The following DOCK7 variants were observed in gnomAD, a reference collection of about 807,000 sequenced individuals.
The protein encoded by DOCK7 is dedicator of cytokinesis 7, also known as dedicator of cytokinesis protein 7.
Under a neutral mutation model 271.0 loss-of-function variants are expected in DOCK7, and 138 were observed. The ratio of observed to expected loss-of-function variants is 0.51; its 90% CI spans 0.44 to 0.59. DOCK7 has a LOEUF of 0.59. Ranked by LOEUF, DOCK7 falls within the 20% of genes least tolerant of loss-of-function variation. The probability of loss-of-function intolerance (pLI) is 0.00; values close to 1 mark genes in which losing one functional copy is unlikely to be tolerated. For synonymous variants in DOCK7, 823 were observed against 876.1 expected (o/e 0.94, Z 1.07); for missense variants, 2,066 against 2,592.4 (o/e 0.80, Z 4.41).
intron 14 of DOCK7, among the ~76,000 whole-genome samples, chr1:62,588,249 T>A (rs1210193276): frequency 1.3e-5 from 2 of 152,180 alleles, no homozygotes; most frequent in Non-Finnish European, 2.9e-5. Flanking sequence ...TGTTGGGCAC[T>A]AGAAAAATAA....
intron 2 of DOCK7, among the ~76,000 whole-genome samples, chr1:62,662,193 T>C (rs1171854305): frequency 6.6e-6 from 1 of 152,204 alleles, no homozygotes; most frequent in African/African-American, 2.4e-5. Context: ...AAAAATGACC[T>C]CTAATTTTAA....
intron 14 of DOCK7, among the ~76,000 whole-genome samples, chr1:62,610,128 C>A (rs1366467254): frequency 2.6e-5 from 4 of 152,090 alleles, no homozygotes; most frequent in African/African-American, 9.7e-5. Flanking sequence ...AGATTACAGG[C>A]GTGAGCCCCC....
intron 4 of DOCK7, among the ~76,000 whole-genome samples, chr1:62,650,502 C>G (rs910672158): frequency 2.0e-5 from 3 of 152,076 alleles, no homozygotes; most frequent in Non-Finnish European, 4.4e-5. Flanking sequence ...TCAGAGTGAA[C>G]AGGCAACCTA....
At position 62,542,804 on chromosome 1, in the gene DOCK7, C is replaced by G. The variant is rs561887789; in HGVS notation, c.2950-101G>C. On this transcript the variant is annotated intron_variant, in intron 24 of 49. Transcript: ENST00000635253. ...CAAACGAAGATATAATGAGAATAAG[C>G]AAAATAAGGCACGTGAACCATTCAA... 71 of 1,059,452 alleles carry G rather than the reference C, an allele frequency of 6.7e-5. No individual in the cohort carries two copies. In the East Asian group the frequency reaches 1.5e-3, roughly 22 times the overall value. 65.6% of individuals were successfully genotyped at this position (1,059,452 alleles called of 1,614,324 possible). A position where few individuals can be genotyped will look rare whatever the true frequency, so the allele number is the denominator to read the frequency against.
intron 15 of DOCK7, among the ~76,000 whole-genome samples, chr1:62,586,002 C>A (rs1647455782): frequency 6.6e-6 from 1 of 152,106 alleles, no homozygotes; most frequent in Non-Finnish European, 1.5e-5. Context: ...AGAACTAATG[C>A]CAGAGTTTGT....
In DOCK7 at chr1:62,508,049, T is replaced by C. The variant is rs1646993501; in HGVS notation, c.4389A>G (p.Ala1463=). ...CAATCAGTGCTTCGTGTTCAATCTCTGCTCTTGATCTAATACAAAATATTG... is the reference window on the plus strand; with the variant it reads ...CAATCAGTGCTTCGTGTTCAATCTCCGCTCTTGATCTAATACAAAATATTG... The part of the protein sequence containing the change: ...QNTEKLDKSR[A]EIEHEALIDG... The change falls in exon 35 of 50, where the codon GCA becomes GCG. Residue 1463 remains alanine (A), a synonymous_variant. Transcript: ENST00000635253. 1 of 1,605,534 alleles carries C rather than the reference T, an allele frequency of 6.2e-7. No homozygotes were observed. Among genetic ancestry groups the C allele is most frequent in the African/African-American group, 1.3e-5 (1 of 74,432 alleles).
intron 11 of DOCK7, among the ~76,000 whole-genome samples, chr1:62,630,876 T>G (rs892987560): frequency 6.6e-6 from 1 of 151,696 alleles, no homozygotes; most frequent in African/African-American, 2.4e-5. Context: ...AGTCTACAAA[T>G]GAAACAAGCT....
intron 19 of DOCK7, among the ~76,000 whole-genome samples, chr1:62,559,947 G>A (rs1433578967): frequency 6.6e-6 from 1 of 152,136 alleles, no homozygotes; most frequent in African/African-American, 2.4e-5. Flanking sequence ...GGCAAAGGGT[G>A]CCTACGTGAC....
chr1:62,648,148 G>A lies in DOCK7; in HGVS notation c.690C>T (p.Asn230=), dbSNP rs776885851. 2.5e-6 allele frequency: 4 copies of A among 1,613,416 alleles called. No homozygotes were observed. The Admixed American group carries it at 5.0e-5, about 20-fold the overall frequency. ...GCAAAGCAAAAAGTTCTTTGTGACG[G>A]TTTGATTTCCTTTGGTCATCATTCT... The part of the protein sequence containing the change: ...DRQNDDQRKS[N]RHKELFALHP... The change falls in exon 6 of 50, where the codon AAC becomes AAT. Residue 230 remains asparagine (N), a synonymous_variant. Coordinates refer to ENST00000635253, the MANE Select transcript of DOCK7 (RefSeq NM_001367561.1).
At chr1:62,672,431 AT>A (rs1158051415) in intron 1 of DOCK7, among the ~76,000 whole-genome samples, 8 of 152,232 alleles carry the variant, frequency 5.3e-5, no homozygotes, top group Non-Finnish European at 1.0e-4. Context: ...AAATATTGAA[AT>A]TTCAAGAGTT....
chr1:62,606,326 A>C (rs1198569971), intron 14 of DOCK7, among the ~76,000 whole-genome samples: 2 of 151,942 alleles, frequency 1.3e-5, no homozygotes, highest in Non-Finnish European at 2.9e-5. Flanking sequence ...AAAAAAAAAA[A>C]AAACTCTCAT....
Position 62,475,071 on chromosome 1 carries a change from A to G in DOCK7, c.6105+137T>C, listed in dbSNP as rs918626779. 1.3e-5 allele frequency: 12 copies of G among 958,364 alleles called. No homozygotes were observed. The African/African-American group carries it at 1.7e-4, about 13-fold the overall frequency. The allele number at this position is 958,364 out of a possible 1,614,324, so 59.4% of individuals were successfully genotyped here. On this transcript the variant is annotated intron_variant, in intron 47 of 49. Coordinates refer to ENST00000635253, the MANE Select transcript of DOCK7 (RefSeq NM_001367561.1). ...CAATTCCTTCTTAATAGAATTTATA[A>G]GATCGCATAGGTAGAAAAATACAGG...
chr1:62,682,648 A>C (rs1487792911), intron 1 of DOCK7, among the ~76,000 whole-genome samples: 1 of 152,228 alleles, frequency 6.6e-6, no homozygotes, highest in Non-Finnish European at 1.5e-5. Flanking sequence ...TAAGGTAAGC[A>C]CAACTATATA....
At chr1:62,524,423 T>C (rs914080621) in intron 31 of DOCK7, among the ~76,000 whole-genome samples, 5 of 152,064 alleles carry the variant, frequency 3.3e-5, no homozygotes, top group African/African-American at 4.8e-5. Flanking sequence ...TAAAAGAAAG[T>C]CTGCAAAATT....
At chr1:62,640,798 C>A (rs920642526) in intron 7 of DOCK7, among the ~76,000 whole-genome samples, 1 of 152,156 alleles carries the variant, frequency 6.6e-6, no homozygotes, top group Non-Finnish European at 1.5e-5. Context: ...AGGTAGAGTT[C>A]CCCTCCAAAT....
rs796502120 is a variant in DOCK7, at chr1:62,644,614, T to C, written c.818+3077A>G. On this transcript the variant is annotated intron_variant, in intron 7 of 49. Transcript: ENST00000635253. ...CCTAGAAGATATTCCCCTGAATGTA[T>C]AAATCACTATGTTACTGACAAATAG... is the stretch of plus-strand genomic sequence containing the variant. 1.9e-4 allele frequency among the ~76,000 whole-genome samples: 29 copies of C among 152,340 alleles called. 2 individuals carry two copies. Among genetic ancestry groups the C allele is most frequent in the African/African-American group, 6.5e-4 (27 of 41,576 alleles).
intron 14 of DOCK7, among the ~76,000 whole-genome samples, chr1:62,617,376 T>C (rs1341307116): frequency 2.0e-5 from 3 of 152,092 alleles, no homozygotes; most frequent in African/African-American, 7.2e-5. Context: ...GACACAGGAA[T>C]GAATGATTTG....
At chr1:62,569,639 G>T (rs1423512731) in intron 18 of DOCK7, among the ~76,000 whole-genome samples, 2 of 151,948 alleles carry the variant, frequency 1.3e-5, no homozygotes, top group Non-Finnish European at 2.9e-5. Context: ...CATACTGAAT[G>T]GGCAAAAGCT....
chr1:62,584,772 T>C (rs1030327405), intron 15 of DOCK7: 13 of 774,300 alleles, frequency 1.7e-5, no homozygotes, highest in Middle Eastern at 2.2e-4. Flanking sequence ...TTAAGAAATA[T>C]AGAATCATCA....
Sources: gnomAD v4.1 joint callset for allele counts (sites outside exome capture counted in the v4.1 genomes callset) on GRCh38, gnomAD v4.1.1 for gene constraint, MANE v1.5 for transcripts, NCBI Gene and HGNC (gene_info 2026-07-23, HGNC 2026-07-21) for gene names.